GCFC2: variants seen among roughly 807,000 people sequenced by gnomAD.
GCFC2 encodes the protein intron Large complex component GCFC2.
In GCFC2, 102 loss-of-function variants were observed where a neutral mutation model predicts 99.4. The observed-to-expected ratio is 1.03, with a 90% CI of 0.87 to 1.21. GCFC2 has a LOEUF of 1.21. Ranked by LOEUF, GCFC2 falls within the 50% of genes most tolerant of loss-of-function variation. The pLI, the probability that GCFC2 is intolerant of heterozygous loss-of-function variation, is 0.00. For synonymous variants in GCFC2, 338 were observed against 316.8 expected (o/e 1.07, Z -0.71); for missense variants, 973 against 920.9 (o/e 1.06, Z -0.73).
intron 12 of GCFC2, among the ~76,000 whole-genome samples, chr2:75,676,136 T>C (rs1679329075): frequency 6.6e-6 from 1 of 152,222 alleles, no homozygotes; most frequent in Non-Finnish European, 1.5e-5. Flanking sequence ...GTAAGATTTA[T>C]TTGAAATAGA....
At chr2:75,701,991 A>G in intron 3 of GCFC2, 5 of 1,338,754 alleles carry the variant, frequency 3.7e-6, no homozygotes, top group Non-Finnish European at 4.8e-6. Context: ...TCAGGCATTA[A>G]TAAACATTAT....
intron 16 of GCFC2, among the ~76,000 whole-genome samples, chr2:75,665,040 T>A (rs1299810552): frequency 6.6e-6 from 1 of 152,178 alleles, no homozygotes; most frequent in African/African-American, 2.4e-5. Flanking sequence ...AGTAAGTCTA[T>A]CAGAAATTTC....
chr2:75,709,558 G>C (rs2104437432), intron 1 of GCFC2, among the ~76,000 whole-genome samples: 1 of 152,288 alleles, frequency 6.6e-6, no homozygotes, highest in African/African-American at 2.4e-5. Flanking sequence ...GACTGAGTGA[G>C]GTTGAGGGTA....
intron 8 of GCFC2, chr2:75,690,413 C>G: frequency 1.9e-6 from 1 of 514,340 alleles, no homozygotes; most frequent in Non-Finnish European, 3.4e-6. Flanking sequence ...GAATTCCCAG[C>G]CTGATAAATG....
chr2:75,701,127 G>T, intron 4 of GCFC2, 63 bp downstream of exon 4: 1 of 909,994 alleles, frequency 1.1e-6, no homozygotes, highest in Non-Finnish European at 1.8e-6. Context: ...GAGTCACCAA[G>T]TTTGTGGTAA....
chr2:75,708,855 G>A (rs1331651209), intron 1 of GCFC2, among the ~76,000 whole-genome samples: 2 of 152,036 alleles, frequency 1.3e-5, no homozygotes, highest in Non-Finnish European at 2.9e-5. Context: ...GTTGAGCTGT[G>A]TTATATTAAA....
In GCFC2 at chr2:75,691,998, T is replaced by G; in HGVS notation, c.1123A>C (p.Thr375Pro). 1 of 1,546,338 alleles carries G rather than the reference T, an allele frequency of 6.5e-7. No individual in the cohort carries two copies. Among genetic ancestry groups the G allele is most frequent in the South Asian group, 1.3e-5 (1 of 79,692 alleles). ...TAACGTGATAACTGTTGTAAATACG[T>G]TGATTCATGTTTTAATTCATCTTGC... The part of the protein sequence containing the change: ...RRQDELKHES[T>P]YLQQLSRKDE... Residue 375 changes from threonine to proline, a missense_variant, in exon 7 of 17, where the codon ACG (threonine) becomes CCG (proline). Transcript: ENST00000321027.
Position 75,692,097 on chromosome 2 carries a change from T to C in GCFC2, c.1024A>G (p.Ile342Val). 1 of 1,447,200 alleles carries C rather than the reference T, an allele frequency of 6.9e-7. No individual in the cohort carries two copies. Among genetic ancestry groups the C allele is most frequent in the African/African-American group, 1.4e-5 (1 of 71,548 alleles). 89.6% of individuals were successfully genotyped at this position (1,447,200 alleles called of 1,614,324 possible). A position where few individuals can be genotyped will look rare whatever the true frequency, so the allele number is the denominator to read the frequency against. ...GATGATTCTATTTCTTGGATGTTGATAATCTGAAATACACATATAAGTAAC... is the reference window on the plus strand; with the variant it reads ...GATGATTCTATTTCTTGGATGTTGACAATCTGAAATACACATATAAGTAAC... ...NLIDCLNEKI[I>V]NIQEIESSMH... The change falls in exon 7 of 17, where the codon ATC becomes GTC. Residue 342 changes from isoleucine (I) to valine (V), a missense_variant. Coordinates refer to ENST00000321027, the MANE Select transcript of GCFC2 (RefSeq NM_003203.5).
chr2:75,693,341 G>A (rs942093009), intron 6 of GCFC2, among the ~76,000 whole-genome samples: 1 of 152,178 alleles, frequency 6.6e-6, no homozygotes, highest in Non-Finnish European at 1.5e-5. Context: ...TTGGGAGGCT[G>A]AGGCACGAGA....
chr2:75,680,870 A>T (rs991505108), intron 11 of GCFC2, among the ~76,000 whole-genome samples: 9 of 152,110 alleles, frequency 5.9e-5, no homozygotes, highest in African/African-American at 2.2e-4. Context: ...CTACCACAGC[A>T]TCTACACACC....
chr2:75,687,946 C>A lies in GCFC2; in HGVS notation c.1571G>T (p.Trp524Leu). 6.3e-7 allele frequency: 1 copy of A among 1,598,220 alleles called. No individual in the cohort carries two copies. The highest frequency in any genetic ancestry group is 1.3e-5 in the African/African-American group (1 of 74,100). Residue 524 changes from tryptophan to leucine, a missense_variant, in exon 11 of 17, where the codon TGG (tryptophan) becomes TTG (leucine). By Grantham distance (61) the Trp-to-Leu change is moderately conservative (BLOSUM62 -2). Transcript: ENST00000321027. ...LESTGLKEMPWFKSVEEFMDS... is the reference protein window; with the variant it reads ...LESTGLKEMPLFKSVEEFMDS... ...CATAAATTCTTCTACAGATTTGAAC[C>A]ATGGCATCTCTTTTAAACCTGTGGA...
At chr2:75,705,613 T>C (rs1225449537) in intron 2 of GCFC2, among the ~76,000 whole-genome samples, 1 of 20,842 alleles carries the variant, frequency 4.8e-5, no homozygotes, top group East Asian at 1.2e-3. Flanking sequence ...TGAGACTCCA[T>C]CTCAAAAAAA....
At chr2:75,678,048 A>AGGT (rs76102559) in intron 12 of GCFC2, among the ~76,000 whole-genome samples, 7,663 of 152,202 alleles carry the variant, frequency 0.05, 387 homozygotes, top group East Asian at 0.15. Flanking sequence ...ACAAAGAGCC[A>AGGT]GGTCTACCAC....
intron 11 of GCFC2, among the ~76,000 whole-genome samples, chr2:75,683,771 C>CAAAAAAAAAAAAAAAAAAAAAGA (rs1679688456): frequency 3.3e-5 from 2 of 60,420 alleles, no homozygotes; most frequent in Non-Finnish European, 6.1e-5. Flanking sequence ...AAATGGAAAG[C>CAAAAAAAAAAAAAAAAAAAAAGA]AAAAAAAAAA....
chr2:75,707,240 G>T (rs904348155), intron 1 of GCFC2, among the ~76,000 whole-genome samples: 1 of 152,108 alleles, frequency 6.6e-6, no homozygotes, highest in African/African-American at 2.4e-5. Context: ...GAGCACTTTG[G>T]TCAATATTAA....
intron 13 of GCFC2, 65 bp downstream of exon 13, chr2:75,673,379 T>G: frequency 2.6e-6 from 2 of 764,050 alleles, no homozygotes; most frequent in East Asian, 2.4e-5. Context: ...TTGCATTGCA[T>G]TCTTAAACAA....
chr2:75,689,830 A>AT, intron 9 of GCFC2, 139 bp downstream of exon 9: 3 of 587,282 alleles, frequency 5.1e-6, no homozygotes, highest in Non-Finnish European at 9.0e-6. Context: ...AGTCTTACAG[A>AT]GGAAAAATGT....
intron 11 of GCFC2, among the ~76,000 whole-genome samples, 176 bp from the exon 12 acceptor site, chr2:75,680,490 G>T (rs1476634121): frequency 6.6e-6 from 1 of 151,962 alleles, no homozygotes; most frequent in Non-Finnish European, 1.5e-5. Flanking sequence ...TTCTTCTTGG[G>T]CTTTGTTAAA....
chr2:75,671,821 A>G (rs1679101485), intron 14 of GCFC2, 129 bp downstream of exon 14: 4 of 415,940 alleles, frequency 9.6e-6, no homozygotes, highest in Non-Finnish European at 1.8e-5. Flanking sequence ...GAGTAATTCG[A>G]CAGAGACCAT....
Sources: gnomAD v4.1 joint callset for allele counts (sites outside exome capture counted in the v4.1 genomes callset) on GRCh38, gnomAD v4.1.1 for gene constraint, MANE v1.5 for transcripts, NCBI Gene and HGNC (gene_info 2026-07-23, HGNC 2026-07-21) for gene names.